CIAO1: variants seen among roughly 807,000 people sequenced by gnomAD.
CIAO1 encodes the protein cytosolic iron-sulfur assembly component 1.
In CIAO1, 32 loss-of-function variants were observed where a neutral mutation model predicts 43.1. The ratio of observed to expected loss-of-function variants is 0.74; its 90% CI spans 0.56 to 1.00. The LOEUF (loss-of-function observed/expected upper bound fraction) is 1.00, where lower values mean the gene tolerates loss of function less well. Ranked by LOEUF, CIAO1 falls within the 50% of genes least tolerant of loss-of-function variation. CIAO1 has a pLI of 0.00. For missense variants in CIAO1, 415 were observed against 437.4 expected, an observed-to-expected ratio of 0.95 and a Z score of 0.46; for synonymous variants, 183 against 171.4, an observed-to-expected ratio of 1.07 and a Z score of -0.53.
At chr2:96,271,056 A>G (rs574608845) in intron 6 of CIAO1, 55 bp from the exon 7 acceptor site, 1 of 1,604,812 alleles carries the variant, frequency 6.2e-7, no homozygotes, top group Admixed American at 1.7e-5. Context: ...ACTATGGAAC[A>G]GGTCTCTCTG....
In CIAO1 at chr2:96,272,121, AT is replaced by A. The variant is rs1255891866; in HGVS notation, c.*774del. On this transcript the variant is annotated 3_prime_UTR_variant, in exon 7 of 7. Coordinates refer to ENST00000488633, the MANE Select transcript of CIAO1 (RefSeq NM_004804.3). ...ACATATAGTGTGTCTGTGATATTCC[AT>A]TTTCATGGCAGGGAGTGATCAGGAA... The A allele has an allele frequency of 6.6e-6, 1 of 152,140 alleles. No individual in the cohort carries two copies. Among genetic ancestry groups the A allele is most frequent in the Non-Finnish European group, 1.5e-5 (1 of 68,030 alleles). The allele number at this position is 152,140 out of a possible 1,614,324, so 9.4% of individuals were successfully genotyped here. A position where few individuals can be genotyped will look rare whatever the true frequency, so the allele number is the denominator to read the frequency against.
At position 96,271,638 on chromosome 2, in the gene CIAO1, T is replaced by C. The variant is rs1372961451; in HGVS notation, c.*287T>C. On this transcript the variant is annotated 3_prime_UTR_variant, in exon 7 of 7. Coordinates refer to ENST00000488633, the MANE Select transcript of CIAO1 (RefSeq NM_004804.3). ...TTGGAGGTAAATATACTATTTATAA[T>C]CACTATATATAGTAGGAGGGGGTAT... 8.9e-6 allele frequency: 3 copies of C among 336,812 alleles called. No individual in the cohort carries two copies. Among genetic ancestry groups the C allele is most frequent in the Non-Finnish European group, 1.1e-5 (2 of 180,170 alleles). The allele number at this position is 336,812 out of a possible 1,614,324, so 20.9% of individuals were successfully genotyped here. A position where few individuals can be genotyped will look rare whatever the true frequency, so the allele number is the denominator to read the frequency against.
Position 96,268,099 on chromosome 2 carries a change from A to G in CIAO1, c.489+175A>G, listed in dbSNP as rs1684473496. The G allele has an allele frequency of 1.7e-5, 11 of 644,952 alleles. No homozygotes were observed. In the South Asian group the frequency reaches 2.0e-4, roughly 12 times the overall value. The allele number at this position is 644,952 out of a possible 1,614,324, so 40.0% of individuals were successfully genotyped here. ...CTGGGTGTGGTGGCTCACACCTATA[A>G]TCTCAGCACTTTGGGAGGCCATGGT... On this transcript the variant is annotated intron_variant, in intron 4 of 6. Transcript: ENST00000488633.
Position 96,266,400 on chromosome 2 carries a change from C to T in CIAO1, c.50C>T (p.Ser17Phe). ...LLGRVPAHPDSRCWFLAWNPA... is the reference protein window; with the variant it reads ...LLGRVPAHPDFRCWFLAWNPA... ...GGCCGTGTCCCGGCGCACCCGGACT[C>T]CCGCTGCTGGTTCCTGGCCTGGAAC... Residue 17 changes from serine (S) to phenylalanine (F), a missense_variant, in exon 1 of 7, where the codon TCC becomes TTC. By Grantham distance (155) the Ser-to-Phe change is radical. Transcript: ENST00000488633. 2.6e-6 allele frequency: 4 copies of T among 1,535,820 alleles called. No individual in the cohort carries two copies. The highest frequency in any genetic ancestry group is 3.5e-6 in the Non-Finnish European group (4 of 1,135,666).
Position 96,268,626 on chromosome 2 carries a change from T to C in CIAO1, c.659T>C (p.Ile220Thr). 1.2e-6 allele frequency: 2 copies of C among 1,614,208 alleles called. No individual in the cohort carries two copies. Among genetic ancestry groups the C allele is most frequent in the South Asian group, 2.2e-5 (2 of 91,084 alleles). Residue 220 changes from isoleucine (I) to threonine (T), a missense_variant, in exon 5 of 7, where the codon ATC becomes ACC. Coordinates refer to ENST00000488633, the MANE Select transcript of CIAO1 (RefSeq NM_004804.3). ...ASCSDDRTVR[I>T]WRQYLPGNEQ... is the part of the protein sequence containing the mutation. ...TGTAGTGATGACCGTACTGTGCGTA[T>C]CTGGCGTCAGTATCTACCAGGCAAT...
At chr2:96,267,186 G>T in intron 1 of CIAO1, 135 bp from the exon 2 acceptor site, 1 of 375,056 alleles carries the variant, frequency 2.7e-6, no homozygotes, top group Non-Finnish European at 4.6e-6. Flanking sequence ...AGATTCATTT[G>T]CATCTTTGTA....
In CIAO1 at chr2:96,273,332, A is replaced by G. The variant is rs1033413296; in HGVS notation, c.*1981A>G. On this transcript the variant is annotated 3_prime_UTR_variant, in exon 7 of 7. Transcript: ENST00000488633. ...TAATGTATTAACAATATAAGAGTGC[A>G]TTAAGTTTTCGGAGTCTACATTGCC... 2 of 152,222 alleles carry G rather than the reference A, an allele frequency of 1.3e-5. No homozygotes were observed. The highest frequency in any genetic ancestry group is 4.8e-5 in the African/African-American group (2 of 41,450). 9.4% of individuals were successfully genotyped at this position (152,222 alleles called of 1,614,324 possible). A position where few individuals can be genotyped will look rare whatever the true frequency, so the allele number is the denominator to read the frequency against.
chr2:96,266,545 GT>G, intron 1 of CIAO1, 56 bp downstream of exon 1: 2 of 1,347,256 alleles, frequency 1.5e-6, no homozygotes, highest in Non-Finnish European at 1.9e-6. Context: ...CCTGCGCGTA[GT>G]GCAGGCGCTC....
At chr2:96,269,863 T>C (rs1005479659) in intron 6 of CIAO1, among the ~76,000 whole-genome samples, 5 of 152,030 alleles carry the variant, frequency 3.3e-5, no homozygotes, top group African/African-American at 9.7e-5. Flanking sequence ...GCCAGGATGG[T>C]CTCGATCTCC....
In CIAO1 at chr2:96,271,402, G is replaced by T; in HGVS notation, c.*51G>T. ...TGACTCCCCAGAAAACGTCATATAAGACTTTACCAGCCCCTGAGAGGACCA... is the reference window on the plus strand; with the variant it reads ...TGACTCCCCAGAAAACGTCATATAATACTTTACCAGCCCCTGAGAGGACCA... On this transcript the variant is annotated 3_prime_UTR_variant, in exon 7 of 7. Coordinates refer to ENST00000488633, the MANE Select transcript of CIAO1 (RefSeq NM_004804.3). 1 of 1,590,224 alleles carries T rather than the reference G, an allele frequency of 6.3e-7. No homozygotes were observed. Among genetic ancestry groups the T allele is most frequent in the South Asian group, 1.1e-5 (1 of 89,606 alleles).
intron 6 of CIAO1, 37 bp from the exon 7 acceptor site, chr2:96,271,074 T>A (rs766601905): frequency 6.2e-7 from 1 of 1,612,232 alleles, no homozygotes; most frequent in African/African-American, 1.3e-5. Context: ...CTGGCCTAAT[T>A]AGTCAGGTAT....
chr2:96,268,685 A>C, intron 5 of CIAO1, 27 bp downstream of exon 5: 1 of 1,611,400 alleles, frequency 6.2e-7, no homozygotes, highest in Non-Finnish European at 8.5e-7. Context: ...GAGCTAAAGA[A>C]GACCCATCTC....
At chr2:96,267,542 CT>C (rs1684459248) in intron 2 of CIAO1, 73 bp downstream of exon 2, 1 of 1,608,468 alleles carries the variant, frequency 6.2e-7, no homozygotes, top group Admixed American at 1.7e-5. Context: ...CTGAGCCAAC[CT>C]GCGCCAGTTG....
At chr2:96,266,585 T>C in intron 1 of CIAO1, 96 bp downstream of exon 1, 2 of 1,231,568 alleles carry the variant, frequency 1.6e-6, no homozygotes, top group Admixed American at 3.9e-5. Context: ...AACCTGTTCC[T>C]GGCGGAGGGA....
intron 6 of CIAO1, among the ~76,000 whole-genome samples, chr2:96,270,498 CT>C (rs1231677355): frequency 2.1e-5 from 3 of 139,856 alleles, no homozygotes; most frequent in African/African-American, 8.1e-5. Flanking sequence ...AAGACTCCAT[CT>C]AAAGAAAAAA....
rs750529674 is a variant in CIAO1 at position 96,267,616 on chromosome 2, C to T, written c.289-9C>T. 5.6e-6 allele frequency: 9 copies of T among 1,613,590 alleles called. No individual in the cohort carries two copies. The highest frequency in any genetic ancestry group is 4.5e-5 in the East Asian group (2 of 44,902). ...GCTGTTAATTCTCATTTTCTTTCCCCTTTCACAGTGTGTAACCACTCTCGA... is the reference window on the plus strand; with the variant it reads ...GCTGTTAATTCTCATTTTCTTTCCCTTTTCACAGTGTGTAACCACTCTCGA... On this transcript the variant is annotated splice_polypyrimidine_tract_variant and intron_variant, in intron 2 of 6. Coordinates refer to ENST00000488633, the MANE Select transcript of CIAO1 (RefSeq NM_004804.3).
At position 96,271,353 on chromosome 2, in the gene CIAO1, C is replaced by G. The variant is rs1382280458; in HGVS notation, c.*2C>G. On this transcript the variant is annotated 3_prime_UTR_variant, in exon 7 of 7. Coordinates refer to ENST00000488633, the MANE Select transcript of CIAO1 (RefSeq NM_004804.3). Reference sequence around the variant, plus strand: ...TATCAGCGGCCTGAAGGCCTCTGAGCTACCTCGACTTTGGACAGAGTAATG... The same window carrying G: ...TATCAGCGGCCTGAAGGCCTCTGAGGTACCTCGACTTTGGACAGAGTAATG... The G allele has an allele frequency of 6.2e-7, 1 of 1,613,480 alleles. No homozygotes were observed. Among genetic ancestry groups the G allele is most frequent in the South Asian group, 1.1e-5 (1 of 91,058 alleles).
rs759492984 is a variant in CIAO1 at position 96,269,373 on chromosome 2, C to T, written c.779+18C>T. On this transcript the variant is annotated intron_variant, in intron 6 of 6. Transcript: ENST00000488633. The stretch of plus-strand genomic sequence containing the variant: ...ATTGCTTGGTAAGACTCCATCCCCC[C>T]ACCCCATCCCATCCCCATAAATCAG... 6.9e-6 allele frequency: 11 copies of T among 1,597,978 alleles called. No individual in the cohort carries two copies. Among genetic ancestry groups the T allele is most frequent in the South Asian group, 6.6e-5 (6 of 90,746 alleles).
chr2:96,269,451 C>A, intron 6 of CIAO1, 96 bp downstream of exon 6: 1 of 1,191,778 alleles, frequency 8.4e-7, no homozygotes, highest in Non-Finnish European at 1.2e-6. Context: ...TGGGGGAGTG[C>A]TTGGGAATTG....
Sources: gnomAD v4.1 joint callset for allele counts (sites outside exome capture counted in the v4.1 genomes callset) on GRCh38, gnomAD v4.1.1 for gene constraint, MANE v1.5 for transcripts, NCBI Gene and HGNC (gene_info 2026-07-23, HGNC 2026-07-21) for gene names.